Variants in VCF2 observed in about 807,000 individuals in gnomAD.
VCF2 encodes protein VCF2.
the VCF2 span, among the ~76,000 whole-genome samples, chrX:55,155,098 G>A: frequency 1.3e-4 from 14 of 111,911 alleles, no homozygotes; most frequent in African/African-American, 4.2e-4. Context: ...AGCAATAAGA[G>A]CACAAGCAAG....
the VCF2 span, among the ~76,000 whole-genome samples, chrX:55,153,059 A>G: frequency 2.7e-5 from 3 of 112,078 alleles, no homozygotes; most frequent in South Asian, 3.7e-4. Flanking sequence ...CGCAGCTTCA[A>G]ATTGTCTCGT....
At chrX:55,160,862 G>A in the VCF2 span, 1 of 1,155,763 alleles carries the variant, frequency 8.7e-7, no homozygotes, top group Non-Finnish European at 1.1e-6. Context: ...GTAAGGCACT[G>A]ACAACCAAAG....
chrX:55,150,511 G>A, the VCF2 span, among the ~76,000 whole-genome samples: 2 of 111,558 alleles, frequency 1.8e-5, no homozygotes, highest in East Asian at 5.6e-4. Flanking sequence ...CCTGCTGTGC[G>A]GCCTGGTTCC....
the VCF2 span, among the ~76,000 whole-genome samples, chrX:55,156,661 GC>G: frequency 8.9e-6 from 1 of 112,211 alleles, no homozygotes; most frequent in South Asian, 3.7e-4. Context: ...AATAATCAAT[GC>G]TTTTTGTAGC....
At chrX:55,161,137 C>A in the VCF2 span, 110 of 1,207,235 alleles carry the variant, frequency 9.1e-5, no homozygotes, top group Non-Finnish European at 1.2e-4. Flanking sequence ...ACGAACTTAC[C>A]GTACAGGGCA....
the VCF2 span, among the ~76,000 whole-genome samples, chrX:55,156,682 C>T: frequency 2.7e-5 from 3 of 111,974 alleles, no homozygotes; most frequent in Non-Finnish European, 5.6e-5. Flanking sequence ...CTTAGTTTCC[C>T]TCCTAAGATG....
the VCF2 span, among the ~76,000 whole-genome samples, chrX:55,155,935 CTTCTTCTTTTTT>C: frequency 3.2e-5 from 3 of 94,670 alleles, no homozygotes; most frequent in Non-Finnish European, 6.5e-5. Flanking sequence ...TTACTTTCTT[CTTCTTCTTTTTT>C]TTTTTTTTTT....
At chrX:55,148,258 G>A in the VCF2 span, among the ~76,000 whole-genome samples, 1 of 109,694 alleles carries the variant, frequency 9.1e-6, no homozygotes, top group African/African-American at 3.3e-5. Flanking sequence ...GTTATATTAA[G>A]TTAAATAATA....
At chrX:55,150,861 C>T in the VCF2 span, among the ~76,000 whole-genome samples, 55 of 111,418 alleles carry the variant, frequency 4.9e-4, no homozygotes, top group South Asian at 1.2e-3. Flanking sequence ...TTGAGCAGAA[C>T]AGGAGTTAAT....
At chrX:55,147,631 CTTGT>C in the VCF2 span, among the ~76,000 whole-genome samples, 28 of 68,547 alleles carry the variant, frequency 4.1e-4, 1 homozygote, top group African/African-American at 1.2e-3. Context: ...GTTGGCTTTC[CTTGT>C]TTTTTTTTTT....
chrX:55,157,341 C>T, the VCF2 span, among the ~76,000 whole-genome samples: 2 of 111,718 alleles, frequency 1.8e-5, no homozygotes, highest in Admixed American at 9.4e-5. Flanking sequence ...GAGAACAGCC[C>T]GGCCAACATG....
chrX:55,156,267 T>C, the VCF2 span, among the ~76,000 whole-genome samples: 2 of 112,065 alleles, frequency 1.8e-5, no homozygotes, highest in South Asian at 7.4e-4. Context: ...TTTTACTTTC[T>C]TTCAAGCCCT....
chrX:55,144,331 T>C, the VCF2 span, among the ~76,000 whole-genome samples: 2 of 111,598 alleles, frequency 1.8e-5, no homozygotes, highest in Non-Finnish European at 3.8e-5. Flanking sequence ...GGTGGCTAGG[T>C]ATCCTTTCTC....
At chrX:55,160,864 C>T in the VCF2 span, 1 of 1,156,537 alleles carries the variant, frequency 8.6e-7, no homozygotes, top group Non-Finnish European at 1.1e-6. Flanking sequence ...AAGGCACTGA[C>T]AACCAAAGAA....
the VCF2 span, among the ~76,000 whole-genome samples, chrX:55,149,805 T>C: frequency 8.9e-6 from 1 of 112,069 alleles, no homozygotes; most frequent in Non-Finnish European, 1.9e-5. Context: ...TTTGGAAAAA[T>C]TTAAAAGACA....
At chrX:55,153,068 G>A in the VCF2 span, among the ~76,000 whole-genome samples, 1 of 111,717 alleles carries the variant, frequency 9.0e-6, no homozygotes, top group African/African-American at 3.3e-5. Flanking sequence ...AAATTGTCTC[G>A]TCTTTCTAGA....
At chrX:55,145,463 GTTA>G in the VCF2 span, 7 of 753,446 alleles carry the variant, frequency 9.3e-6, no homozygotes, top group Non-Finnish European at 1.1e-5. Context: ...TGTAGAGACA[GTTA>G]TTAGAGAGAG....
chrX:55,144,650 CAT>C, the VCF2 span, among the ~76,000 whole-genome samples: 4 of 111,545 alleles, frequency 3.6e-5, no homozygotes, highest in African/African-American at 9.8e-5. Context: ...TGTTCATTTT[CAT>C]ATGTTAATTC....
chrX:55,150,050 A>T, the VCF2 span, among the ~76,000 whole-genome samples: 1 of 112,201 alleles, frequency 8.9e-6, no homozygotes, highest in Non-Finnish European at 1.9e-5. Context: ...TAATCTTTTA[A>T]TATTAGGTCC....
Sources: gnomAD v4.1 joint callset for allele counts (sites outside exome capture counted in the v4.1 genomes callset) on GRCh38, gnomAD v4.1.1 for gene constraint, MANE v1.5 for transcripts, NCBI Gene and HGNC (gene_info 2026-07-23, HGNC 2026-07-21) for gene names.